Variants in SOX5 observed in about 807,000 individuals in gnomAD.
The protein encoded by SOX5 is SRY-box transcription factor 5.
In SOX5, 9 loss-of-function variants were observed where a neutral mutation model predicts 92.0. The ratio of observed to expected loss-of-function variants is 0.10; its 90% CI spans 0.06 to 0.17. The LOEUF (loss-of-function observed/expected upper bound fraction) is 0.17, where lower values mean the gene tolerates loss of function less well. SOX5 is among the 10% of genes least tolerant of loss of function. The pLI is 1.00. For synonymous variants in SOX5, 344 were observed against 336.3 expected, an observed-to-expected ratio of 1.02 and a Z score of -0.25; for missense variants, 642 against 944.5, an observed-to-expected ratio of 0.68 and a Z score of 4.20.
At chr12:24,168,125 A>C (rs1370868178) in intron 4 of SOX5, among the ~76,000 whole-genome samples, 1 of 152,200 alleles carries the variant, frequency 6.6e-6, no homozygotes, top group Non-Finnish European at 1.5e-5. Flanking sequence ...AAATTTATGC[A>C]TATTTTGGAA....
In SOX5 at chr12:24,000,609, T is replaced by C. The variant is rs117640171; in HGVS notation, c.-1-104585A>G. ...GGAATTAAAATAAGACTAGACAATA[T>C]TCATTACAAAGAAAGCAATAAAGGA... On this transcript the variant is annotated intron_variant, in intron 4 of 4. Coordinates refer to the SOX5 transcript ENST00000446891. 8.8e-3 allele frequency among the ~76,000 whole-genome samples: 1,339 copies of C among 152,130 alleles called. 9 individuals carry two copies. The highest frequency in any genetic ancestry group is 0.012 in the South Asian group (60 of 4,818).
chr12:23,762,304 G>A (rs1211127125), intron 3 of SOX5, among the ~76,000 whole-genome samples: 4 of 152,004 alleles, frequency 2.6e-5, no homozygotes, highest in African/African-American at 4.8e-5. Context: ...AGGCTGAGGC[G>A]AGAATACTGC....
intron 4 of SOX5, among the ~76,000 whole-genome samples, chr12:24,116,995 C>G (rs980607828): frequency 6.1e-5 from 9 of 146,586 alleles, no homozygotes; most frequent in African/African-American, 2.2e-4. Context: ...AAAATCTGCA[C>G]AGCAAAGAAA....
intron 6 of SOX5, among the ~76,000 whole-genome samples, chr12:23,676,600 G>A (rs1234891304): frequency 2.0e-5 from 3 of 152,128 alleles, no homozygotes; most frequent in Admixed American, 2.0e-4. Context: ...CAGAAGAAAA[G>A]GAATACCGGG....
At chr12:24,066,628 GA>G (rs149977589) in intron 4 of SOX5, among the ~76,000 whole-genome samples, 2,078 of 152,154 alleles carry the variant, frequency 0.014, 49 homozygotes, top group African/African-American at 0.046. Flanking sequence ...GAGCAGAGTA[GA>G]AAAAAAGTTC....
intron 6 of SOX5, among the ~76,000 whole-genome samples, chr12:23,682,432 A>G (rs1187589441): frequency 2.0e-5 from 3 of 151,830 alleles, no homozygotes; most frequent in African/African-American, 7.2e-5. Context: ...TTGAAATATG[A>G]TCCTTTGTTT....
intron 6 of SOX5, among the ~76,000 whole-genome samples, chr12:23,731,274 G>C (rs1028647721): frequency 2.6e-5 from 4 of 152,070 alleles, no homozygotes; most frequent in African/African-American, 9.7e-5. Context: ...AGCCTCCCAG[G>C]GTCTCCAGCT....
At chr12:24,506,433 G>T (rs149077706) in intron 1 of SOX5, among the ~76,000 whole-genome samples, 232 of 130,028 alleles carry the variant, frequency 1.8e-3, no homozygotes, top group Non-Finnish European at 3.2e-3. Flanking sequence ...AGAGAGAGAT[G>T]CAATAATGAT....
intron 4 of SOX5, among the ~76,000 whole-genome samples, chr12:24,041,432 T>C (rs1045894327): frequency 4.6e-5 from 7 of 152,152 alleles, no homozygotes; most frequent in Non-Finnish European, 7.4e-5. Flanking sequence ...AGGGATCAAT[T>C]TGGTGCTTAA....
intron 4 of SOX5, among the ~76,000 whole-genome samples, chr12:24,009,934 G>A (rs1020006321): frequency 6.6e-5 from 10 of 152,134 alleles, no homozygotes; most frequent in African/African-American, 2.4e-4. Flanking sequence ...ATTTCTTGCT[G>A]GAATTATATT....
At chr12:23,702,916 G>T (rs552849441) in intron 6 of SOX5, among the ~76,000 whole-genome samples, 1 of 152,108 alleles carries the variant, frequency 6.6e-6, no homozygotes, top group South Asian at 2.1e-4. Flanking sequence ...ATTTCTCACA[G>T]AAACCAAAAC....
At chr12:24,520,328 T>C (rs1185118268) in intron 1 of SOX5, among the ~76,000 whole-genome samples, 3 of 151,834 alleles carry the variant, frequency 2.0e-5, no homozygotes, top group Non-Finnish European at 4.4e-5. Flanking sequence ...TAATATAAAA[T>C]TCGATAAAAA....
intron 10 of SOX5, among the ~76,000 whole-genome samples, chr12:23,565,951 G>T (rs1325950467): frequency 1.3e-5 from 2 of 152,114 alleles, no homozygotes; most frequent in Non-Finnish European, 2.9e-5. Flanking sequence ...GAGCAGCAAG[G>T]CTGAACTCTC....
In SOX5 at chr12:23,823,159, T is replaced by C. The variant is rs1336704915; in HGVS notation, c.481+22824A>G. Among the ~76,000 whole-genome samples the C allele has an allele frequency of 3.9e-5, 6 of 152,350 alleles. No homozygotes were observed. The East Asian group carries it at 7.7e-4, about 20-fold the overall frequency. ...ATGTGTGAATTTGATCCTGTCATTATGATGCTAGTTGGTTATTTTGCCTAT... is the reference window on the plus strand; with the variant it reads ...ATGTGTGAATTTGATCCTGTCATTACGATGCTAGTTGGTTATTTTGCCTAT... On this transcript the variant is annotated intron_variant, in intron 3 of 14. Coordinates refer to ENST00000451604, the MANE Select transcript of SOX5 (RefSeq NM_006940.6).
intron 1 of SOX5, among the ~76,000 whole-genome samples, chr12:24,506,104 T>G (rs999802227): frequency 5.3e-5 from 8 of 152,130 alleles, no homozygotes; most frequent in Non-Finnish European, 8.8e-5. Flanking sequence ...CCAAAAAATA[T>G]TAATAGGATA....
At chr12:23,582,316 TGAGGATCTATAAA>T in intron 9 of SOX5, 2 of 983,124 alleles carry the variant, frequency 2.0e-6, no homozygotes, top group Non-Finnish European at 2.4e-6. Context: ...ACAAGTATCA[TGAGGATCTATAAA>T]GAGATGGAAG....
At chr12:23,702,258 A>C (rs1379094891) in intron 6 of SOX5, among the ~76,000 whole-genome samples, 3 of 152,086 alleles carry the variant, frequency 2.0e-5, no homozygotes, top group Non-Finnish European at 4.4e-5. Context: ...GAGAAGGTTG[A>C]CTCTTGCAGA....
intron 6 of SOX5, among the ~76,000 whole-genome samples, chr12:23,732,212 G>GA (rs143562392): frequency 0.034 from 5,155 of 152,150 alleles, 120 homozygotes; most frequent in Non-Finnish European, 0.055. Context: ...GAAAAGGGAA[G>GA]AAAAAACATT....
chr12:24,422,122 T>C (rs992615299), intron 1 of SOX5, among the ~76,000 whole-genome samples: 4 of 152,234 alleles, frequency 2.6e-5, no homozygotes, highest in African/African-American at 4.8e-5. Context: ...GGGGCATCGA[T>C]GACTAGGAGG....
Sources: allele counts gnomAD v4.1 joint callset (sites outside exome capture counted in the v4.1 genomes callset), GRCh38; gene constraint gnomAD v4.1.1; transcripts MANE v1.5; gene names NCBI Gene and HGNC (gene_info 2026-07-23, HGNC 2026-07-21).